MYH15: variants seen among roughly 807,000 people sequenced by gnomAD.
MYH15 encodes the protein myosin-15.
Under a neutral mutation model 240.5 loss-of-function variants are expected in MYH15, and 227 were observed. The ratio of observed to expected loss-of-function variants is 0.94; its 90% CI spans 0.85 to 1.05. The LOEUF is 1.05. Among genes scored for constraint, MYH15 ranks in the 50% least tolerant of loss-of-function variants. MYH15 has a pLI of 0.00. For synonymous variants in MYH15, 785 were observed against 796.7 expected (o/e 0.99, Z 0.25); for missense variants, 2,217 against 2,247.5 (o/e 0.99, Z 0.27).
intron 33 of MYH15, among the ~76,000 whole-genome samples, chr3:108,403,780 G>C (rs775838664): frequency 3.9e-5 from 6 of 152,048 alleles, no homozygotes; most frequent in Admixed American, 1.3e-4. Context: ...CATGGCTCAT[G>C]CTTATCCTTC....
chr3:108,427,773 A>G (rs2082738138), intron 27 of MYH15, among the ~76,000 whole-genome samples: 1 of 152,224 alleles, frequency 6.6e-6, no homozygotes, highest in Admixed American at 6.5e-5. Flanking sequence ...TTCTAACCAT[A>G]GTCCATGGAG....
intron 21 of MYH15, among the ~76,000 whole-genome samples, chr3:108,447,862 ATTAG>A (rs140556729): frequency 0.1 from 15,893 of 152,094 alleles, 1,566 homozygotes; most frequent in East Asian, 0.53. Flanking sequence ...TAACTCTAAA[ATTAG>A]TTAATGTACA....
intron 1 of MYH15, among the ~76,000 whole-genome samples, chr3:108,520,711 C>T (rs945858084): frequency 2.0e-5 from 3 of 152,234 alleles, no homozygotes; most frequent in South Asian, 2.1e-4. Flanking sequence ...CTGGTGGCAT[C>T]AATTTTGGAG....
In MYH15 at chr3:108,381,367, A is replaced by G; in HGVS notation, c.*178T>C. On this transcript the variant is annotated 3_prime_UTR_variant, in exon 41 of 41. Coordinates refer to ENST00000693548, the MANE Select transcript of MYH15 (RefSeq NM_014981.3). Reference sequence around the variant, plus strand: ...TGCATTTGAGGATCAAAAAATCCCCATTAACTGTGGAAGCAATGATATTCC... The same window carrying G: ...TGCATTTGAGGATCAAAAAATCCCCGTTAACTGTGGAAGCAATGATATTCC... 1.4e-6 allele frequency: 1 copy of G among 692,094 alleles called. No individual in the cohort carries two copies. Among genetic ancestry groups the G allele is most frequent in the Non-Finnish European group, 2.5e-6 (1 of 398,814 alleles). 42.9% of individuals were successfully genotyped at this position (692,094 alleles called of 1,614,324 possible).
intron 35 of MYH15, among the ~76,000 whole-genome samples, chr3:108,396,143 A>G (rs1360221536): frequency 1.3e-5 from 2 of 152,086 alleles, no homozygotes; most frequent in East Asian, 3.9e-4. Flanking sequence ...TCTCCTCTCT[A>G]TGAATGCTTT....
At chr3:108,479,567 C>T (rs1481343154) in intron 11 of MYH15, among the ~76,000 whole-genome samples, 1 of 152,094 alleles carries the variant, frequency 6.6e-6, no homozygotes, top group East Asian at 1.9e-4. Flanking sequence ...GCCTGAAATT[C>T]ACCCACAGAA....
Position 108,414,350 on chromosome 3 carries a change from G to T in MYH15, c.4027C>A (p.Gln1343Lys). Residue 1343 changes from glutamine to lysine, a missense_variant, in exon 30 of 41, where the codon CAA becomes AAA. Coordinates refer to ENST00000693548, the MANE Select transcript of MYH15 (RefSeq NM_014981.3). Reference protein sequence around the residue: ...DLLREQYEEEQEVKAELHRTL... With the variant: ...DLLREQYEEEKEVKAELHRTL... The stretch of plus-strand genomic sequence containing the variant: ...CGGTGCAGCTCAGCCTTGACCTCTT[G>T]TTCTTCCTCATACTGCTCTCGTAGA... The T allele has an allele frequency of 6.2e-7, 1 of 1,614,100 alleles. No homozygotes were observed. Among genetic ancestry groups the T allele is most frequent in the East Asian group, 2.2e-5 (1 of 44,880 alleles).
rs1560372432 is a variant in MYH15, at chr3:108,444,664, A to AT, written c.2630dup (p.Asn877LysfsTer2). 3 of 1,613,938 alleles carry AT rather than the reference A, an allele frequency of 1.9e-6. No homozygotes were observed. The highest frequency in any genetic ancestry group is 1.7e-6 in the Non-Finnish European group (2 of 1,179,916). ...CAGCCTGAAGCTGAAGAATCAGGTC[A>AT]TTTTTTTCCTGAGTGAGGGATACTT... On this transcript the variant is annotated frameshift_variant, in exon 22 of 41. Transcript: ENST00000693548. LOFTEE classifies it high-confidence loss of function.
intron 25 of MYH15, among the ~76,000 whole-genome samples, chr3:108,434,205 T>TTTTTTA (rs397788297): frequency 6.9e-6 from 1 of 145,364 alleles, no homozygotes; most frequent in African/African-American, 2.5e-5. Context: ...TTTTTTTTTT[T>TTTTTTA]GAGTTTCACT....
At chr3:108,421,962 C>T (rs1365607355) in intron 27 of MYH15, among the ~76,000 whole-genome samples, 1 of 152,178 alleles carries the variant, frequency 6.6e-6, no homozygotes, top group African/African-American at 2.4e-5. Flanking sequence ...ATTAAAGTAA[C>T]CAGTCTAATC....
Position 108,486,449 on chromosome 3 carries a change from C to T in MYH15, c.949G>A (p.Asp317Asn). The T allele has an allele frequency of 6.2e-7, 1 of 1,611,830 alleles. No individual in the cohort carries two copies. The highest frequency in any genetic ancestry group is 8.5e-7 in the Non-Finnish European group (1 of 1,178,398). ...TCTGTGGCCAGCAATTCTTCAGCAT[C>T]ATCCAAGCTCTCCACAGTAACTGCT... is the stretch of plus-strand genomic sequence containing the variant. ...CGAVTVESLD[D>N]AEELLATEQA... Residue 317 changes from aspartate (D) to asparagine (N), a missense_variant, in exon 10 of 41, where the codon GAT (aspartate) becomes AAT (asparagine). By Grantham distance (23) the Asp-to-Asn change is conservative (BLOSUM62 1). Coordinates refer to ENST00000693548, the MANE Select transcript of MYH15 (RefSeq NM_014981.3).
At chr3:108,434,190 G>GTTTT (rs5851590) in intron 25 of MYH15, among the ~76,000 whole-genome samples, 1,527 of 130,936 alleles carry the variant, frequency 0.012, 48 homozygotes, top group African/African-American at 0.038. Flanking sequence ...ATTGAGAATG[G>GTTTT]TTTTTTTTTT....
chr3:108,542,002 TA>T, the MYH15 span, among the ~76,000 whole-genome samples: 1 of 152,086 alleles, frequency 6.6e-6, no homozygotes, highest in Non-Finnish European at 1.5e-5. Flanking sequence ...TCAAAAAAAT[TA>T]GTGATTCTGT....
intron 11 of MYH15, among the ~76,000 whole-genome samples, chr3:108,477,812 G>T (rs998382715): frequency 1.3e-5 from 2 of 152,102 alleles, no homozygotes; most frequent in Admixed American, 6.6e-5. Flanking sequence ...ATTTCCTCAA[G>T]AAGTGGAGAA....
At chr3:108,435,979 T>C (rs1254271412) in intron 25 of MYH15, among the ~76,000 whole-genome samples, 5 of 152,024 alleles carry the variant, frequency 3.3e-5, no homozygotes, top group African/African-American at 1.2e-4. Flanking sequence ...TGACATTGAG[T>C]TCATTAGTGC....
In MYH15 at chr3:108,505,720, T is replaced by A; in HGVS notation, c.195+3A>T. On this transcript the variant is annotated splice_donor_region_variant and intron_variant, in intron 2 of 40. Coordinates refer to ENST00000693548, the MANE Select transcript of MYH15 (RefSeq NM_014981.3). ...CACTGCAATGAAATAAAAATTTCTT[T>A]ACCTCTCCATCTGCTGTCTCAACAA... The A allele has an allele frequency of 6.3e-7, 1 of 1,593,438 alleles. No individual in the cohort carries two copies. The highest frequency in any genetic ancestry group is 8.6e-7 in the Non-Finnish European group (1 of 1,165,556).
chr3:108,429,116 T>C (rs569193803), intron 26 of MYH15, among the ~76,000 whole-genome samples: 20 of 152,214 alleles, frequency 1.3e-4, no homozygotes, highest in African/African-American at 4.6e-4. Context: ...TTAAATTATA[T>C]AGATGGAGGG....
intron 10 of MYH15, 41 bp downstream of exon 10, chr3:108,486,382 T>C: frequency 6.7e-7 from 1 of 1,487,584 alleles, no homozygotes; most frequent in African/African-American, 1.4e-5. Flanking sequence ...CATTTCTCAT[T>C]GCCATTACCA....
intron 14 of MYH15, among the ~76,000 whole-genome samples, chr3:108,468,230 TGCTGGGATTACAGGCATAAGCCAC>T (rs1203861266): frequency 2.0e-5 from 3 of 152,260 alleles, no homozygotes; most frequent in Non-Finnish European, 4.4e-5. Context: ...CCTCCCAAAG[TGCTGGGATTACAGGCATAAGCCAC>T]TGCACCCAGC....
Sources: allele counts gnomAD v4.1 joint callset (sites outside exome capture counted in the v4.1 genomes callset), GRCh38; gene constraint gnomAD v4.1.1; transcripts MANE v1.5; gene names NCBI Gene and HGNC (gene_info 2026-07-23, HGNC 2026-07-21).